SGCD: variants seen among roughly 807,000 people sequenced by gnomAD.
SGCD encodes delta-sarcoglycan.
A neutral mutation model predicts 36.6 loss-of-function variants in SGCD; 18 were observed. The ratio of observed to expected loss-of-function variants is 0.49; its 90% CI spans 0.34 to 0.73. The LOEUF (loss-of-function observed/expected upper bound fraction) is 0.73, where lower values mean the gene tolerates loss of function less well. SGCD is among the 30% of genes least tolerant of loss of function. The pLI, the probability that SGCD is intolerant of heterozygous loss-of-function variation, is 0.01. For missense variants in SGCD, 387 were observed against 346.7 expected (o/e 1.12, Z -0.92); for synonymous variants, 133 against 130.6 (o/e 1.02, Z -0.12).
the SGCD span, among the ~76,000 whole-genome samples, chr5:155,824,993 C>T: frequency 4.6e-5 from 7 of 152,252 alleles, no homozygotes; most frequent in South Asian, 4.1e-4. Context: ...TGGTAGTTAA[C>T]GCAAAGGCAG....
intron 4 of SGCD, among the ~76,000 whole-genome samples, chr5:156,558,486 A>C (rs1031132645): frequency 2.6e-5 from 4 of 152,116 alleles, no homozygotes; most frequent in Non-Finnish European, 4.4e-5. Flanking sequence ...GCATGTGTAC[A>C]TGACTATATC....
chr5:156,182,015 TGGA>T (rs1232663723), intron 3 of SGCD, among the ~76,000 whole-genome samples: 2 of 152,278 alleles, frequency 1.3e-5, no homozygotes, highest in Middle Eastern at 6.8e-3. Flanking sequence ...ACTCAAGGGA[TGGA>T]GGAGATTTCT....
chr5:156,551,573 G>A (rs970570129), intron 4 of SGCD, among the ~76,000 whole-genome samples: 2 of 151,994 alleles, frequency 1.3e-5, no homozygotes, highest in East Asian at 1.9e-4. Flanking sequence ...GTGAAAATTC[G>A]ACAGTCACTG....
intron 6 of SGCD, among the ~76,000 whole-genome samples, chr5:156,596,099 C>G (rs1160480572): frequency 6.6e-6 from 1 of 152,116 alleles, no homozygotes; most frequent in Non-Finnish European, 1.5e-5. Context: ...TGAGTTGTCC[C>G]TAAGGTTAAA....
chr5:156,081,697 T>C (rs1159329172), intron 1 of SGCD, among the ~76,000 whole-genome samples: 1 of 152,198 alleles, frequency 6.6e-6, no homozygotes, highest in African/African-American at 2.4e-5. Flanking sequence ...CCCAACCATG[T>C]TCCCTTTTTA....
At chr5:156,648,264 C>CTTTTTTTTTTTTTTTTTTTTTTT (rs4067498) in intron 7 of SGCD, among the ~76,000 whole-genome samples, 1 of 147,800 alleles carries the variant, frequency 6.8e-6, no homozygotes, top group African/African-American at 2.5e-5. Flanking sequence ...TGAATACTGG[C>CTTTTTTTTTTTTTTTTTTTTTTT]TTTTTTTTTT....
At chr5:155,746,211 T>C in the SGCD span, among the ~76,000 whole-genome samples, 1 of 152,182 alleles carries the variant, frequency 6.6e-6, no homozygotes, top group African/African-American at 2.4e-5. Context: ...AAATATTGGA[T>C]AATAATAAGT....
the SGCD span, among the ~76,000 whole-genome samples, chr5:155,832,727 A>G: frequency 6.6e-6 from 1 of 152,164 alleles, no homozygotes; most frequent in Non-Finnish European, 1.5e-5. Flanking sequence ...TGAGTGAGTG[A>G]GTGAAACCAA....
chr5:156,759,969 G>C lies in SGCD; in HGVS notation c.*579G>C, dbSNP rs907424872. 6.6e-6 allele frequency: 1 copy of C among 152,134 alleles called. No individual in the cohort carries two copies. The highest frequency in any genetic ancestry group is 2.4e-5 in the African/African-American group (1 of 41,432). 9.4% of individuals were successfully genotyped at this position (152,134 alleles called of 1,614,324 possible). ...GCAATGCTGTAGAAGTCAGCCGTAGGAATTCAAAATGGCTGGCCTACCTTG... is the reference window on the plus strand; with the variant it reads ...GCAATGCTGTAGAAGTCAGCCGTAGCAATTCAAAATGGCTGGCCTACCTTG... On this transcript the variant is annotated 3_prime_UTR_variant, in exon 9 of 9. Transcript: ENST00000337851.
intron 1 of SGCD, among the ~76,000 whole-genome samples, chr5:155,903,781 A>G (rs1202305711): frequency 6.6e-6 from 1 of 152,164 alleles, no homozygotes; most frequent in East Asian, 1.9e-4. Context: ...TCCTGGGCAC[A>G]ATGTATTTGT....
chr5:155,812,228 C>A, the SGCD span, among the ~76,000 whole-genome samples: 4 of 152,290 alleles, frequency 2.6e-5, no homozygotes, highest in East Asian at 7.7e-4. Context: ...AGGTGCCCCA[C>A]CATGTGTCCA....
chr5:155,854,652 T>C, the SGCD span, among the ~76,000 whole-genome samples: 1 of 152,204 alleles, frequency 6.6e-6, no homozygotes. Flanking sequence ...GGACATTTAA[T>C]AATATTTGAA....
intron 3 of SGCD, among the ~76,000 whole-genome samples, chr5:156,275,540 G>A (rs892875600): frequency 2.0e-5 from 3 of 152,104 alleles, no homozygotes; most frequent in African/African-American, 7.2e-5. Context: ...CCTCTTGCAT[G>A]TTACGATGCA....
chr5:156,153,508 T>C (rs895554432), intron 3 of SGCD, among the ~76,000 whole-genome samples: 33 of 151,896 alleles, frequency 2.2e-4, no homozygotes, highest in African/African-American at 7.3e-4. Flanking sequence ...AGGGATCAAA[T>C]TTTTTATTTC....
chr5:156,230,008 A>T (rs1459690703), intron 3 of SGCD, among the ~76,000 whole-genome samples: 2 of 152,044 alleles, frequency 1.3e-5, no homozygotes, highest in African/African-American at 4.8e-5. Context: ...TGTTTCCTGA[A>T]GTTTTGATTG....
chr5:156,693,496 A>C (rs1754193637), intron 7 of SGCD, among the ~76,000 whole-genome samples: 1 of 152,144 alleles, frequency 6.6e-6, no homozygotes, highest in African/African-American at 2.4e-5. Context: ...CTTGAGAAAT[A>C]GTTGAGAAGG....
At chr5:156,067,584 A>G (rs1241764015) in intron 1 of SGCD, among the ~76,000 whole-genome samples, 1 of 83,488 alleles carries the variant, frequency 1.2e-5, no homozygotes, top group African/African-American at 1.2e-4. Flanking sequence ...TGTGCTAGCA[A>G]TCAGCGAGAT....
At chr5:156,757,813 A>G (rs1757399682) in intron 8 of SGCD, 109 bp downstream of exon 8, 2 of 1,388,502 alleles carry the variant, frequency 1.4e-6, no homozygotes, top group Non-Finnish European at 1.9e-6. Flanking sequence ...CAACAAAAGG[A>G]GCCAAGCAGG....
At chr5:156,435,063 A>T (rs907856140) in intron 3 of SGCD, among the ~76,000 whole-genome samples, 1 of 152,232 alleles carries the variant, frequency 6.6e-6, no homozygotes, top group Non-Finnish European at 1.5e-5. Context: ...AGCAATGTAG[A>T]ATAAAAGCAA....
Sources: gnomAD v4.1 joint callset for allele counts (sites outside exome capture counted in the v4.1 genomes callset) on GRCh38, gnomAD v4.1.1 for gene constraint, MANE v1.5 for transcripts, NCBI Gene and HGNC (gene_info 2026-07-23, HGNC 2026-07-21) for gene names.